EPB41L4A: variants seen among roughly 807,000 people sequenced by gnomAD.
EPB41L4A encodes the protein band 4.1-like protein 4A.
A neutral mutation model predicts 108.6 loss-of-function variants in EPB41L4A; 100 were observed. The ratio of observed to expected loss-of-function variants is 0.92; its 90% confidence interval spans 0.78 to 1.09. The LOEUF (loss-of-function observed/expected upper bound fraction) is 1.09, where lower values mean the gene tolerates loss of function less well. EPB41L4A is among the 50% of genes least tolerant of loss of function. EPB41L4A has a pLI of 0.00. For synonymous variants in EPB41L4A, 319 were observed against 289.0 expected (o/e 1.10, Z -1.05); for missense variants, 1,030 against 842.7 (o/e 1.22, Z -2.75).
intron 15 of EPB41L4A, among the ~76,000 whole-genome samples, chr5:112,197,383 A>G (rs1183225509): frequency 1.3e-5 from 2 of 152,156 alleles, no homozygotes; most frequent in Admixed American, 6.5e-5. Flanking sequence ...CAACACACTT[A>G]TATCAAATAA....
At position 112,413,804 on chromosome 5, in the gene EPB41L4A, C is replaced by G. The variant is rs576319048; in HGVS notation, c.99+5137G>C. 2.8e-4 allele frequency among the ~76,000 whole-genome samples: 43 copies of G among 152,274 alleles called. No individual in the cohort carries two copies. The South Asian group carries it at 8.7e-3, about 31-fold the overall frequency. ...AAAACAATCTGGAATATTTGGGAAA[C>G]CGTGAGCAGTTTCTGCATACCTAGA... is the stretch of plus-strand genomic sequence containing the variant. On this transcript the variant is annotated intron_variant, in intron 1 of 22. Coordinates refer to ENST00000261486, the MANE Select transcript of EPB41L4A (RefSeq NM_022140.5).
chr5:112,374,436 T>C (rs1561619723), intron 1 of EPB41L4A, among the ~76,000 whole-genome samples: 1 of 152,192 alleles, frequency 6.6e-6, no homozygotes, highest in Admixed American at 6.5e-5. Flanking sequence ...CAGTTAAAGA[T>C]GATGAAAAGA....
In EPB41L4A at chr5:112,280,338, A is replaced by T. The variant is rs761200662; in HGVS notation, c.205-15T>A. 17 of 1,612,544 alleles carry T rather than the reference A, an allele frequency of 1.1e-5. No individual in the cohort carries two copies. The highest frequency in any genetic ancestry group is 1.4e-5 in the Non-Finnish European group (17 of 1,178,710). On this transcript the variant is annotated splice_polypyrimidine_tract_variant and intron_variant, in intron 2 of 22. Coordinates refer to ENST00000261486, the MANE Select transcript of EPB41L4A (RefSeq NM_022140.5). ...TCCAGCCAATACTGTGTGAGGAAGAAAAGGACAATTAAAGAAATTAGTTGC... is the reference window on the plus strand; with the variant it reads ...TCCAGCCAATACTGTGTGAGGAAGATAAGGACAATTAAAGAAATTAGTTGC...
chr5:112,360,029 C>T (rs144433207), intron 1 of EPB41L4A, among the ~76,000 whole-genome samples: 1,781 of 152,242 alleles, frequency 0.012, 27 homozygotes, highest in South Asian at 0.037. Flanking sequence ...CTAACAGATT[C>T]AACGGAAATC....
At chr5:112,262,347 G>T in intron 7 of EPB41L4A, 147 bp downstream of exon 7, 1 of 650,060 alleles carries the variant, frequency 1.5e-6, no homozygotes, top group Non-Finnish European at 2.7e-6. Context: ...ATCCACACGA[G>T]AGCTGCTTTG....
At chr5:112,267,768 T>C (rs1751964192) in intron 4 of EPB41L4A, among the ~76,000 whole-genome samples, 1 of 152,092 alleles carries the variant, frequency 6.6e-6, no homozygotes, top group Non-Finnish European at 1.5e-5. Context: ...CAGGATCATG[T>C]CACTCTTTCA....
At chr5:112,240,672 C>A in intron 10 of EPB41L4A, 47 bp downstream of exon 10, 2 of 1,010,324 alleles carry the variant, frequency 2.0e-6, no homozygotes, top group South Asian at 1.6e-5. Context: ...AAATAAATGC[C>A]ATTTTCATTT....
chr5:112,347,836 C>T (rs1326424365), intron 1 of EPB41L4A, among the ~76,000 whole-genome samples: 1 of 152,150 alleles, frequency 6.6e-6, no homozygotes, highest in Non-Finnish European at 1.5e-5. Context: ...TACCACTCTC[C>T]GGTCCAGCTA....
chr5:112,276,534 A>G (rs879000453), intron 3 of EPB41L4A, among the ~76,000 whole-genome samples: 1 of 152,202 alleles, frequency 6.6e-6, no homozygotes, highest in Non-Finnish European at 1.5e-5. Flanking sequence ...TGGTATACCA[A>G]TTAGTGGTTA....
rs1156310549 is a variant in EPB41L4A at position 112,369,780 on chromosome 5, A to G, written c.99+49161T>C. Among the ~76,000 whole-genome samples the G allele has an allele frequency of 3.3e-5, 5 of 152,134 alleles. No individual in the cohort carries two copies. The East Asian group carries it at 7.7e-4, about 23-fold the overall frequency. The stretch of plus-strand genomic sequence containing the variant: ...GGGTGATACAAGATGACAGCTGAAC[A>G]CAGTCCCCTTGGCACTACTTCAGAC... On this transcript the variant is annotated intron_variant, in intron 1 of 22. Transcript: ENST00000261486.
intron 15 of EPB41L4A, among the ~76,000 whole-genome samples, chr5:112,196,282 T>A (rs1761963672): frequency 6.6e-6 from 1 of 152,182 alleles, no homozygotes; most frequent in Non-Finnish European, 1.5e-5. Context: ...TGAATGTGAA[T>A]CCCATCTTCT....
chr5:112,298,160 G>A (rs1050970439), intron 2 of EPB41L4A, among the ~76,000 whole-genome samples: 7 of 152,050 alleles, frequency 4.6e-5, no homozygotes, highest in Admixed American at 3.3e-4. Context: ...CTAGTTCTGT[G>A]AAGAATGATG....
At chr5:112,170,820 C>T in intron 19 of EPB41L4A, 125 bp downstream of exon 19, 1 of 811,998 alleles carries the variant, frequency 1.2e-6, no homozygotes, top group Non-Finnish European at 2.0e-6. Flanking sequence ...GTGCCTGCCA[C>T]ACACAGTGGC....
chr5:112,257,082 T>C (rs1229760252), intron 9 of EPB41L4A: 1 of 152,160 alleles, frequency 6.6e-6, no homozygotes, highest in Non-Finnish European at 1.5e-5. Context: ...TGAATGTGAT[T>C]ACTGTTCCAA....
At chr5:112,311,941 C>T (rs985640734) in intron 1 of EPB41L4A, among the ~76,000 whole-genome samples, 11 of 152,118 alleles carry the variant, frequency 7.2e-5, no homozygotes, top group Non-Finnish European at 4.4e-5. Flanking sequence ...ATTCTTCTAT[C>T]CCAAACAGGT....
intron 18 of EPB41L4A, chr5:112,173,693 G>C (rs1473490642): frequency 6.6e-6 from 1 of 150,430 alleles, no homozygotes; most frequent in African/African-American, 2.5e-5. Context: ...ACCCAGGCTG[G>C]AGTGCAGTGG....
At chr5:112,400,830 T>G (rs748548603) in intron 1 of EPB41L4A, among the ~76,000 whole-genome samples, 1 of 152,192 alleles carries the variant, frequency 6.6e-6, no homozygotes, top group Non-Finnish European at 1.5e-5. Context: ...TATTAACATT[T>G]ACTGAACACC....
At chr5:112,175,579 C>T (rs1760818768) in intron 18 of EPB41L4A, 1 of 152,034 alleles carries the variant, frequency 6.6e-6, no homozygotes, top group Admixed American at 6.6e-5. Flanking sequence ...ACATATACTG[C>T]AGTAGGAATT....
At chr5:112,335,428 T>C (rs1756853771) in intron 1 of EPB41L4A, among the ~76,000 whole-genome samples, 2 of 152,326 alleles carry the variant, frequency 1.3e-5, no homozygotes, top group South Asian at 2.1e-4. Flanking sequence ...CAGATCTATA[T>C]AGTTTAAGAG....
Sources: gnomAD v4.1 joint callset for allele counts (sites outside exome capture counted in the v4.1 genomes callset) on GRCh38, gnomAD v4.1.1 for gene constraint, MANE v1.5 for transcripts, NCBI Gene and HGNC (gene_info 2026-07-23, HGNC 2026-07-21) for gene names.